The following DCC variants were observed in gnomAD, a reference collection of about 807,000 sequenced individuals.
DCC encodes netrin receptor DCC.
In DCC, 58 loss-of-function variants were observed where a neutral mutation model predicts 172.5. The ratio of observed to expected loss-of-function variants is 0.34; its 90% CI spans 0.27 to 0.42. The LOEUF is 0.42. Ranked by LOEUF, DCC falls within the 10% of genes least tolerant of loss-of-function variation. The probability of loss-of-function intolerance (pLI) is 1.00; values close to 1 mark genes in which losing one functional copy is unlikely to be tolerated. For synonymous variants in DCC, 709 were observed against 644.5 expected, an observed-to-expected ratio of 1.10 and a Z score of -1.52; for missense variants, 1,740 against 1,791.0, an observed-to-expected ratio of 0.97 and a Z score of 0.51.
intron 13 of DCC, among the ~76,000 whole-genome samples, chr18:53,317,567 G>C (rs564032386): frequency 6.6e-6 from 1 of 152,050 alleles, no homozygotes; most frequent in South Asian, 2.1e-4. Flanking sequence ...CCAGCTCATC[G>C]TTTTACCTGT....
chr18:53,499,632 A>G, intron 27 of DCC, 122 bp downstream of exon 27: 1 of 848,288 alleles, frequency 1.2e-6, no homozygotes, highest in South Asian at 1.4e-5. Flanking sequence ...TTACATGCCC[A>G]GTGTGCTCAT....
At chr18:52,475,666 A>G (rs1450883625) in intron 1 of DCC, among the ~76,000 whole-genome samples, 1 of 152,092 alleles carries the variant, frequency 6.6e-6, no homozygotes, top group African/African-American at 2.4e-5. Context: ...TCTCTGTCAT[A>G]CCTTTCCGAG....
chr18:53,041,675 C>G (rs574000026), intron 5 of DCC, among the ~76,000 whole-genome samples: 2 of 152,130 alleles, frequency 1.3e-5, no homozygotes, highest in Non-Finnish European at 2.9e-5. Flanking sequence ...TTGTTTGTAT[C>G]CTGTCTGATT....
At chr18:53,047,495 TTAAACTGAGAAGTC>T (rs2042271663) in intron 5 of DCC, among the ~76,000 whole-genome samples, 2 of 92,624 alleles carry the variant, frequency 2.2e-5, no homozygotes, top group African/African-American at 9.0e-5. Flanking sequence ...CTTTTTTTTA[TTAAACTGAGAAGTC>T]ATATATACTT....
At chr18:53,390,160 T>C (rs1314081499) in intron 16 of DCC, among the ~76,000 whole-genome samples, 1 of 152,160 alleles carries the variant, frequency 6.6e-6, no homozygotes, top group Admixed American at 6.5e-5. Flanking sequence ...TCTATTTGAG[T>C]TTAAAGGATC....
At chr18:52,483,459 C>T (rs890533270) in intron 1 of DCC, among the ~76,000 whole-genome samples, 2 of 152,014 alleles carry the variant, frequency 1.3e-5, no homozygotes, top group Admixed American at 6.6e-5. Context: ...TTTTCTGAAA[C>T]ATCACATGTC....
At chr18:53,364,088 A>G (rs1599067802) in intron 15 of DCC, among the ~76,000 whole-genome samples, 1 of 152,332 alleles carries the variant, frequency 6.6e-6, no homozygotes, top group Admixed American at 6.5e-5. Context: ...TCAAGTGCCA[A>G]AGAGGAAATC....
intron 12 of DCC, among the ~76,000 whole-genome samples, chr18:53,286,691 C>T (rs1182243486): frequency 1.3e-5 from 2 of 152,144 alleles, no homozygotes; most frequent in South Asian, 2.1e-4. Context: ...TCCAGTGCAT[C>T]GCCATTGCTG....
At chr18:52,764,166 T>G (rs2037206761) in intron 2 of DCC, among the ~76,000 whole-genome samples, 1 of 152,236 alleles carries the variant, frequency 6.6e-6, no homozygotes, top group African/African-American at 2.4e-5. Flanking sequence ...AGCCAGGATT[T>G]GTTTTACTGC....
intron 2 of DCC, among the ~76,000 whole-genome samples, chr18:52,863,006 C>A (rs1568152987): frequency 1.3e-5 from 2 of 152,064 alleles, no homozygotes; most frequent in Non-Finnish European, 2.9e-5. Context: ...AAATTTATTT[C>A]AATTAGCTTT....
intron 1 of DCC, among the ~76,000 whole-genome samples, chr18:52,537,529 G>A (rs1031451452): frequency 1.1e-4 from 17 of 152,122 alleles, no homozygotes; most frequent in African/African-American, 3.9e-4. Context: ...AATATCTCCT[G>A]GGATTTCTAA....
chr18:53,450,114 T>C (rs1293042927), intron 22 of DCC, among the ~76,000 whole-genome samples: 2 of 84,996 alleles, frequency 2.4e-5, no homozygotes, highest in Non-Finnish European at 2.8e-5. Context: ...TATTCCATCA[T>C]AGGGGGATAT....
intron 5 of DCC, among the ~76,000 whole-genome samples, chr18:53,032,001 G>A (rs1323298925): frequency 6.6e-6 from 1 of 152,134 alleles, no homozygotes; most frequent in African/African-American, 2.4e-5. Flanking sequence ...TAGCAAATAT[G>A]CAAGCTGACT....
At chr18:52,513,486 T>A (rs943252968) in intron 1 of DCC, among the ~76,000 whole-genome samples, 1 of 152,252 alleles carries the variant, frequency 6.6e-6, no homozygotes, top group African/African-American at 2.4e-5. Flanking sequence ...AGCATTATGG[T>A]TTTTTAAATT....
chr18:52,958,895 C>T (rs1234849036), intron 5 of DCC, among the ~76,000 whole-genome samples: 1 of 152,096 alleles, frequency 6.6e-6, no homozygotes, highest in Non-Finnish European at 1.5e-5. Context: ...AACCCACAGC[C>T]CGCGGGCCAT....
At chr18:52,845,637 A>G (rs2038874521) in intron 2 of DCC, among the ~76,000 whole-genome samples, 1 of 152,200 alleles carries the variant, frequency 6.6e-6, no homozygotes, top group Non-Finnish European at 1.5e-5. Flanking sequence ...CATGTAAAAG[A>G]TTGCTCCTCC....
chr18:53,050,607 T>A (rs57950523), intron 5 of DCC, among the ~76,000 whole-genome samples: 11,738 of 152,072 alleles, frequency 0.077, 1,334 homozygotes, highest in African/African-American at 0.25. Context: ...ATACTACTGA[T>A]TTTTGTACAT....
At chr18:52,978,807 C>A (rs555844071) in intron 5 of DCC, among the ~76,000 whole-genome samples, 1 of 152,310 alleles carries the variant, frequency 6.6e-6, no homozygotes, top group South Asian at 2.1e-4. Flanking sequence ...AAAGTGAGAA[C>A]ATACGGTATT....
intron 7 of DCC, among the ~76,000 whole-genome samples, chr18:53,146,485 A>C (rs1013821763): frequency 1.3e-5 from 2 of 152,178 alleles, no homozygotes; most frequent in Non-Finnish European, 2.9e-5. Context: ...TTATAAGAGC[A>C]ATGATTCCTA....
Sources: gnomAD v4.1 joint callset for allele counts (sites outside exome capture counted in the v4.1 genomes callset) on GRCh38, gnomAD v4.1.1 for gene constraint, MANE v1.5 for transcripts, NCBI Gene and HGNC (gene_info 2026-07-23, HGNC 2026-07-21) for gene names.